The following ADK variants were observed in gnomAD, a reference collection of about 807,000 sequenced individuals.
ADK encodes the protein adenosine kinase.
ADK carries 24 observed loss-of-function variants against 44.7 expected under a neutral mutation model. The observed-to-expected ratio is 0.54, with a 90% confidence interval of 0.39 to 0.76. The LOEUF is 0.76. Among genes scored for constraint, ADK ranks in the 30% least tolerant of loss-of-function variants. The probability of loss-of-function intolerance (pLI) is 0.00; values close to 1 mark genes in which losing one functional copy is unlikely to be tolerated. For missense variants in ADK, 321 were observed against 425.1 expected, an observed-to-expected ratio of 0.76 and a Z score of 2.15; for synonymous variants, 128 against 142.6, an observed-to-expected ratio of 0.90 and a Z score of 0.73.
intron 4 of ADK, among the ~76,000 whole-genome samples, chr10:74,376,249 A>G (rs75084578): frequency 3.3e-5 from 5 of 152,136 alleles, no homozygotes; most frequent in African/African-American, 1.2e-4. Context: ...ATTCTTCCAC[A>G]TGAATTTAAA....
chr10:74,263,922 C>T (rs1846130363), intron 3 of ADK, among the ~76,000 whole-genome samples: 1 of 152,126 alleles, frequency 6.6e-6, no homozygotes, highest in African/African-American at 2.4e-5. Context: ...ACAGGTTTTT[C>T]AGTATTAGAA....
At chr10:74,520,597 A>G (rs1180202827) in intron 6 of ADK, among the ~76,000 whole-genome samples, 1 of 151,904 alleles carries the variant, frequency 6.6e-6, no homozygotes, top group Non-Finnish European at 1.5e-5. Context: ...CACTGGTAAA[A>G]AAAAAAAGAG....
chr10:74,213,215 C>G (rs1843886642), intron 2 of ADK, among the ~76,000 whole-genome samples: 1 of 152,106 alleles, frequency 6.6e-6, no homozygotes, highest in South Asian at 2.1e-4. Flanking sequence ...AAGCGATTCT[C>G]TTACCTCAGC....
chr10:74,404,263 A>T (rs1030737562), intron 6 of ADK, among the ~76,000 whole-genome samples: 3 of 152,134 alleles, frequency 2.0e-5, no homozygotes, highest in African/African-American at 7.2e-5. Context: ...TATTATAAAC[A>T]TCGTAACCTT....
chr10:74,291,414 C>G (rs1847430062), intron 3 of ADK, among the ~76,000 whole-genome samples: 1 of 152,002 alleles, frequency 6.6e-6, no homozygotes, highest in Non-Finnish European at 1.5e-5. Flanking sequence ...GAGACTCCGT[C>G]TCAAAAACAA....
chr10:74,179,394 C>G (rs1445211570), intron 1 of ADK, among the ~76,000 whole-genome samples: 3 of 152,048 alleles, frequency 2.0e-5, no homozygotes, highest in African/African-American at 7.2e-5. Context: ...GTTAGGCATT[C>G]TTAGTCACAG....
At chr10:74,667,344 G>A (rs1854996254) in intron 9 of ADK, among the ~76,000 whole-genome samples, 1 of 151,802 alleles carries the variant, frequency 6.6e-6, no homozygotes, top group South Asian at 2.1e-4. Context: ...TATCTGTACT[G>A]ATAAGTATAA....
chr10:74,569,722 T>A (rs1850860710), intron 7 of ADK, among the ~76,000 whole-genome samples: 1 of 152,196 alleles, frequency 6.6e-6, no homozygotes, highest in Non-Finnish European at 1.5e-5. Flanking sequence ...ATTCTGTAGG[T>A]TGCCTGTTCA....
intron 5 of ADK, among the ~76,000 whole-genome samples, chr10:74,397,652 C>T (rs1843565104): frequency 6.6e-6 from 1 of 152,048 alleles, no homozygotes. Context: ...ATCCTCCCAC[C>T]TCAGCTTCCT....
intron 5 of ADK, among the ~76,000 whole-genome samples, chr10:74,396,262 G>A (rs1386298603): frequency 6.6e-6 from 1 of 152,116 alleles, no homozygotes; most frequent in Non-Finnish European, 1.5e-5. Context: ...GGCCGGGTGT[G>A]GTGGTCACAC....
intron 6 of ADK, among the ~76,000 whole-genome samples, chr10:74,457,164 A>C (rs1845979855): frequency 1.3e-5 from 2 of 152,232 alleles, no homozygotes; most frequent in Non-Finnish European, 2.9e-5. Flanking sequence ...TACTGATCCC[A>C]CAGAAGTACA....
chr10:74,411,905 G>A (rs1221469260), intron 6 of ADK, among the ~76,000 whole-genome samples: 5 of 152,188 alleles, frequency 3.3e-5, no homozygotes, highest in Non-Finnish European at 7.3e-5. Context: ...CATTCATAGC[G>A]TGTTCACCAG....
At chr10:74,588,551 G>A (rs1184584079) in intron 7 of ADK, among the ~76,000 whole-genome samples, 1 of 152,122 alleles carries the variant, frequency 6.6e-6, no homozygotes, top group African/African-American at 2.4e-5. Flanking sequence ...CTAAAGTTTT[G>A]ATTAATTCAT....
intron 7 of ADK, among the ~76,000 whole-genome samples, chr10:74,541,792 A>ACCC (rs1172991136): frequency 5.5e-3 from 159 of 28,852 alleles, no homozygotes; most frequent in African/African-American, 7.1e-3. Context: ...GAACCCCCAC[A>ACCC]CACCCCCCCC....
At chr10:74,470,974 T>C (rs1385320541) in intron 6 of ADK, among the ~76,000 whole-genome samples, 1 of 152,148 alleles carries the variant, frequency 6.6e-6, no homozygotes, top group Non-Finnish European at 1.5e-5. Context: ...CACAATAAGG[T>C]AAGGGTCTAA....
intron 6 of ADK, among the ~76,000 whole-genome samples, chr10:74,505,803 A>G (rs924398721): frequency 6.6e-6 from 1 of 152,160 alleles, no homozygotes; most frequent in African/African-American, 2.4e-5. Flanking sequence ...AAAGGTCCTT[A>G]TGACCCCCTA....
chr10:74,629,559 A>G (rs1853338340), intron 9 of ADK, among the ~76,000 whole-genome samples: 1 of 152,200 alleles, frequency 6.6e-6, no homozygotes, highest in African/African-American at 2.4e-5. Context: ...TATGTATACC[A>G]TATTTGAAGT....
chr10:74,176,723 A>G (rs1416559474), intron 1 of ADK: 7 of 1,488,558 alleles, frequency 4.7e-6, no homozygotes, highest in African/African-American at 1.4e-5. Flanking sequence ...CCGGCTAGCC[A>G]GGGGCCGCCC....
intron 4 of ADK, among the ~76,000 whole-genome samples, chr10:74,333,491 A>T (rs1053586947): frequency 1.3e-5 from 2 of 152,230 alleles, no homozygotes; most frequent in African/African-American, 2.4e-5. Flanking sequence ...ATGAGAGTTT[A>T]GATCATTGGT....
Sources: gnomAD v4.1 joint callset for allele counts (sites outside exome capture counted in the v4.1 genomes callset) on GRCh38, gnomAD v4.1.1 for gene constraint, MANE v1.5 for transcripts, NCBI Gene and HGNC (gene_info 2026-07-23, HGNC 2026-07-21) for gene names.